Variants in CRTC3 observed in about 807,000 individuals in gnomAD.
CRTC3 encodes CREB regulated transcription coactivator 3.
CRTC3 carries 26 observed loss-of-function variants against 74.5 expected under a neutral mutation model. That is an observed-to-expected ratio of 0.35 (90% CI 0.26 to 0.48). The LOEUF is 0.48. Ranked by LOEUF, CRTC3 falls within the 20% of genes least tolerant of loss-of-function variation. The probability of loss-of-function intolerance (pLI) is 0.99; values close to 1 mark genes in which losing one functional copy is unlikely to be tolerated. For synonymous variants in CRTC3, 377 were observed against 325.8 expected (o/e 1.16, Z -1.69); for missense variants, 760 against 787.3 (o/e 0.97, Z 0.41).
chr15:90,561,062 C>T (rs1427876449), intron 2 of CRTC3, among the ~76,000 whole-genome samples: 2 of 152,270 alleles, frequency 1.3e-5, no homozygotes, highest in African/African-American at 4.8e-5. Flanking sequence ...AGCACTGGAT[C>T]GTAGACAAGA....
intron 3 of CRTC3, chr15:90,600,739 T>A (rs1405196947): frequency 2.0e-5 from 3 of 152,252 alleles, no homozygotes; most frequent in Admixed American, 2.0e-4. Context: ...AATTTCTGTC[T>A]TAATGTGTAG....
chr15:90,642,117 A>G lies in CRTC3; in HGVS notation c.1837A>G (p.Thr613Ala), dbSNP rs1969470477. ...MGLLDPSVEE[T>A]FRADRL Reference sequence around the variant, plus strand: ...CCTGCTGGACCCCTCTGTTGAAGAGACGTTTCGAGCTGACAGACTGTGAAC... The same window carrying G: ...CCTGCTGGACCCCTCTGTTGAAGAGGCGTTTCGAGCTGACAGACTGTGAAC... Residue 613 changes from threonine to alanine, a missense_variant, in exon 15 of 15, where the codon ACG (threonine) becomes GCG (alanine). Thr to Ala is a moderately conservative substitution (Grantham distance 58). Coordinates refer to ENST00000268184, the MANE Select transcript of CRTC3 (RefSeq NM_022769.5). The G allele has an allele frequency of 6.2e-7, 1 of 1,613,914 alleles. No homozygotes were observed. The highest frequency in any genetic ancestry group is 1.3e-5 in the African/African-American group (1 of 74,936).
chr15:90,617,799 A>T, intron 7 of CRTC3, 84 bp from the exon 8 acceptor site: 1 of 872,642 alleles, frequency 1.1e-6, no homozygotes, highest in South Asian at 1.4e-5. Context: ...ATAAAGTGCT[A>T]GGATTATAGG....
At chr15:90,550,433 T>A (rs1966852951) in intron 2 of CRTC3, among the ~76,000 whole-genome samples, 1 of 130,250 alleles carries the variant, frequency 7.7e-6, no homozygotes, top group Non-Finnish European at 1.6e-5. Flanking sequence ...TCATTTCCCT[T>A]ATTTTCCTTT....
At chr15:90,564,461 A>C (rs930566730) in intron 2 of CRTC3, among the ~76,000 whole-genome samples, 1 of 152,188 alleles carries the variant, frequency 6.6e-6, no homozygotes, top group African/African-American at 2.4e-5. Context: ...ACCAGAAGCT[A>C]GACCCTCCTC....
intron 13 of CRTC3, among the ~76,000 whole-genome samples, chr15:90,640,223 T>A (rs1969390487): frequency 6.6e-6 from 1 of 152,192 alleles, no homozygotes; most frequent in Admixed American, 6.5e-5. Context: ...GACACTTCTT[T>A]TGAGACTTTT....
chr15:90,633,780 CTT>C (rs1969130161), intron 11 of CRTC3, among the ~76,000 whole-genome samples: 1 of 151,846 alleles, frequency 6.6e-6, no homozygotes, highest in South Asian at 2.1e-4. Flanking sequence ...TCTCTCTCCT[CTT>C]TTGCTTCTCT....
chr15:90,616,988 C>G (rs933010019), intron 7 of CRTC3, among the ~76,000 whole-genome samples: 1 of 152,042 alleles, frequency 6.6e-6, no homozygotes, highest in African/African-American at 2.4e-5. Flanking sequence ...CAGGTTCTCT[C>G]CTCATCCCTC....
Position 90,644,542 on chromosome 15 carries a change from A to T in CRTC3, c.*2402A>T, listed in dbSNP as rs1293761937. 7 of 232,942 alleles carry T rather than the reference A, an allele frequency of 3.0e-5. No individual in the cohort carries two copies. Among genetic ancestry groups the T allele is most frequent in the Non-Finnish European group, 5.1e-5 (6 of 117,934 alleles). 14.4% of individuals were successfully genotyped at this position (232,942 alleles called of 1,614,324 possible). A position where few individuals can be genotyped will look rare whatever the true frequency, so the allele number is the denominator to read the frequency against. ...AAAGGCGTTCTCCAGGTGACTTGTG[A>T]AAACAGACCTCCGGGGAAGTGATTT... On this transcript the variant is annotated 3_prime_UTR_variant, in exon 15 of 15. Transcript: ENST00000268184.
At chr15:90,612,414 A>G (rs1968385040) in intron 6 of CRTC3, among the ~76,000 whole-genome samples, 1 of 151,882 alleles carries the variant, frequency 6.6e-6, no homozygotes. Flanking sequence ...CACCTACTCC[A>G]TGAAGCCTTC....
chr15:90,535,571 A>C (rs17263706), intron 1 of CRTC3, among the ~76,000 whole-genome samples: 63,171 of 152,076 alleles, frequency 0.42, 15,223 homozygotes, highest in Non-Finnish European at 0.55. Context: ...ACTTGTGTTG[A>C]GGAACCAGAG....
At chr15:90,571,092 A>G (rs750402361) in intron 2 of CRTC3, among the ~76,000 whole-genome samples, 3 of 152,174 alleles carry the variant, frequency 2.0e-5, no homozygotes, top group Non-Finnish European at 2.9e-5. Flanking sequence ...CAATTTAACA[A>G]ATATTTATTG....
chr15:90,625,571 A>G (rs1192630011), intron 9 of CRTC3, among the ~76,000 whole-genome samples: 1 of 152,194 alleles, frequency 6.6e-6, no homozygotes, highest in East Asian at 1.9e-4. Flanking sequence ...TATTCCTGTA[A>G]TGTGGGCACA....
At position 90,630,756 on chromosome 15, in the gene CRTC3, A is replaced by ATTTTTTTTTT. The variant is rs1175467073; in HGVS notation, c.1266+1247_1266+1256dup. Among the ~76,000 whole-genome samples, 9 of 23,652 alleles carry ATTTTTTTTTT rather than the reference A, an allele frequency of 3.8e-4. 1 individual carries two copies. The highest frequency in any genetic ancestry group is 7.4e-4 in the African/African-American group (7 of 9,428). 15.5% of individuals were successfully genotyped at this position (23,652 alleles called of 152,430 possible). A position where few individuals can be genotyped will look rare whatever the true frequency, so the allele number is the denominator to read the frequency against. The stretch of plus-strand genomic sequence containing the variant: ...CACATCCTCTGTCTATTACAGCATC[A>ATTTTTTTTTT]TTTTTTTTTTTTTTTTTTTTTTTTT... On this transcript the variant is annotated intron_variant, in intron 11 of 14. Coordinates refer to ENST00000268184, the MANE Select transcript of CRTC3 (RefSeq NM_022769.5).
At chr15:90,537,606 G>T (rs866717580) in intron 1 of CRTC3, among the ~76,000 whole-genome samples, 1 of 152,104 alleles carries the variant, frequency 6.6e-6, no homozygotes, top group Non-Finnish European at 1.5e-5. Flanking sequence ...GGATGGTCTC[G>T]ATCTCCTGAC....
intron 2 of CRTC3, among the ~76,000 whole-genome samples, chr15:90,547,747 T>C (rs1596074734): frequency 6.6e-6 from 1 of 152,212 alleles, no homozygotes; most frequent in South Asian, 2.1e-4. Context: ...CTCTTCTGCT[T>C]AGTGGAGGGA....
chr15:90,585,420 C>T (rs1160575981), intron 2 of CRTC3, among the ~76,000 whole-genome samples: 1 of 152,076 alleles, frequency 6.6e-6, no homozygotes, highest in African/African-American at 2.4e-5. Context: ...ACTGGGATTA[C>T]AGGCATGAGC....
chr15:90,545,802 T>A lies in CRTC3; in HGVS notation c.231+5665T>A, dbSNP rs574814264. ...ACTGTGTTAGCCAGGATGGTCTCCA[T>A]CTCCTGACTTTGTGATCCGCCCGCC... On this transcript the variant is annotated intron_variant, in intron 2 of 14. Transcript: ENST00000268184. 1.6e-3 allele frequency among the ~76,000 whole-genome samples: 244 copies of A among 152,204 alleles called. 1 individual carries two copies. Among genetic ancestry groups the A allele is most frequent in the Admixed American group, 3.2e-3 (49 of 15,280 alleles).
chr15:90,589,059 T>C (rs1967736119), intron 2 of CRTC3, among the ~76,000 whole-genome samples: 1 of 152,106 alleles, frequency 6.6e-6, no homozygotes, highest in South Asian at 2.1e-4. Context: ...GTTATTTTTA[T>C]TTTTATTTTT....
Sources: gnomAD v4.1 joint callset for allele counts (sites outside exome capture counted in the v4.1 genomes callset) on GRCh38, gnomAD v4.1.1 for gene constraint, MANE v1.5 for transcripts, NCBI Gene and HGNC (gene_info 2026-07-23, HGNC 2026-07-21) for gene names.